DENND5B: variants seen among roughly 807,000 people sequenced by gnomAD.
The protein encoded by DENND5B is DENN domain-containing protein 5B.
A neutral mutation model predicts 140.6 loss-of-function variants in DENND5B; 34 were observed. The ratio of observed to expected loss-of-function variants is 0.24; its 90% CI spans 0.18 to 0.32. The LOEUF (loss-of-function observed/expected upper bound fraction) is 0.32. Ranked by LOEUF, DENND5B falls within the 10% of genes least tolerant of loss-of-function variation. The probability of loss-of-function intolerance (pLI) is 1.00; values close to 1 mark genes in which losing one functional copy is unlikely to be tolerated. For missense variants in DENND5B, 1,142 were observed against 1,560.2 expected, an observed-to-expected ratio of 0.73 and a Z score of 4.52; for synonymous variants, 551 against 562.1, an observed-to-expected ratio of 0.98 and a Z score of 0.28.
chr12:31,586,155 T>A (rs1390373225), intron 1 of DENND5B, among the ~76,000 whole-genome samples: 1 of 152,144 alleles, frequency 6.6e-6, no homozygotes, highest in African/African-American at 2.4e-5. Flanking sequence ...TACAGCCAGG[T>A]CTTAAAGGAA....
intron 9 of DENND5B, among the ~76,000 whole-genome samples, chr12:31,425,383 A>T (rs1337934862): frequency 1.3e-5 from 2 of 152,234 alleles, no homozygotes; most frequent in Non-Finnish European, 1.5e-5. Context: ...CTGCCACCAC[A>T]ACTTGCCCTA....
At chr12:31,580,088 A>G (rs1378533920) in intron 1 of DENND5B, among the ~76,000 whole-genome samples, 1 of 152,132 alleles carries the variant, frequency 6.6e-6, no homozygotes, top group Non-Finnish European at 1.5e-5. Context: ...GCAGTTTCCT[A>G]AGATATTCCT....
At chr12:31,576,265 A>C (rs971943141) in intron 1 of DENND5B, among the ~76,000 whole-genome samples, 1 of 152,034 alleles carries the variant, frequency 6.6e-6, no homozygotes, top group African/African-American at 2.4e-5. Context: ...CAGTCTGGCC[A>C]ACATGGTGAA....
chr12:31,512,306 T>G (rs1317700374), intron 1 of DENND5B, among the ~76,000 whole-genome samples: 1 of 151,974 alleles, frequency 6.6e-6, no homozygotes, highest in Admixed American at 6.6e-5. Flanking sequence ...TTGGACCTCA[T>G]GGGCTTGTCA....
At chr12:31,449,136 A>G (rs1486909204) in intron 5 of DENND5B, among the ~76,000 whole-genome samples, 1 of 152,196 alleles carries the variant, frequency 6.6e-6, no homozygotes, top group Non-Finnish European at 1.5e-5. Flanking sequence ...TTATTTTTGC[A>G]TGGCAGAAGC....
At chr12:31,536,197 AC>A (rs1455650903) in intron 1 of DENND5B, among the ~76,000 whole-genome samples, 3 of 151,734 alleles carry the variant, frequency 2.0e-5, no homozygotes, top group Non-Finnish European at 4.4e-5. Flanking sequence ...GGCCAATTAA[AC>A]CTCTTTTATT....
rs1940707071 is a variant in DENND5B at position 31,383,248 on chromosome 12, C to G, written c.*4355G>C. 1 of 152,178 alleles carries G rather than the reference C, an allele frequency of 6.6e-6. No homozygotes were observed. Among genetic ancestry groups the G allele is most frequent in the Non-Finnish European group, 1.5e-5 (1 of 68,024 alleles). The allele number at this position is 152,178 out of a possible 1,614,324, so 9.4% of individuals were successfully genotyped here. On this transcript the variant is annotated 3_prime_UTR_variant, in exon 21 of 21. Coordinates refer to ENST00000389082, the MANE Select transcript of DENND5B (RefSeq NM_144973.4). ...ATATTTCATTATGAAGAGCTACACT[C>G]CTAATGTTGTGAAATAAATATTTCC...
At chr12:31,579,165 T>A (rs1247584434) in intron 1 of DENND5B, among the ~76,000 whole-genome samples, 2 of 152,174 alleles carry the variant, frequency 1.3e-5, no homozygotes, top group Non-Finnish European at 2.9e-5. Flanking sequence ...GTAAAAATAG[T>A]TACAAGAGTT....
chr12:31,532,016 C>CA (rs1465045469), intron 1 of DENND5B, among the ~76,000 whole-genome samples: 8 of 152,038 alleles, frequency 5.3e-5, no homozygotes, highest in Non-Finnish European at 8.8e-5. Flanking sequence ...CACCAGGGGA[C>CA]AAAAAATAAC....
chr12:31,387,087 G>A lies in DENND5B; in HGVS notation c.*516C>T, dbSNP rs1332047209. On this transcript the variant is annotated 3_prime_UTR_variant, in exon 21 of 21. Transcript: ENST00000389082. ...TTGTAACTTAAAAGATAGAAGTGAA[G>A]ACTACCAGTACAGTAGGTAAAGCTG... 1 of 152,072 alleles carries A rather than the reference G, an allele frequency of 6.6e-6. No individual in the cohort carries two copies. Among genetic ancestry groups the A allele is most frequent in the Non-Finnish European group, 1.5e-5 (1 of 68,038 alleles). The allele number at this position is 152,072 out of a possible 1,614,324, so 9.4% of individuals were successfully genotyped here. A position where few individuals can be genotyped will look rare whatever the true frequency, so the allele number is the denominator to read the frequency against.
At chr12:31,488,043 C>T (rs1051179720) in intron 2 of DENND5B, among the ~76,000 whole-genome samples, 6 of 152,082 alleles carry the variant, frequency 3.9e-5, no homozygotes, top group Non-Finnish European at 8.8e-5. Context: ...GCAACCTCCA[C>T]CTCCTGAGTT....
chr12:31,589,460 G>GA (rs1248511436), intron 1 of DENND5B, among the ~76,000 whole-genome samples: 1 of 151,868 alleles, frequency 6.6e-6, no homozygotes, highest in African/African-American at 2.4e-5. Context: ...CGAAGAATAT[G>GA]AAAAAAAGAA....
intron 5 of DENND5B, among the ~76,000 whole-genome samples, chr12:31,448,619 T>TA (rs988021084): frequency 2.0e-5 from 3 of 152,224 alleles, no homozygotes; most frequent in African/African-American, 4.8e-5. Flanking sequence ...CTAGACTCTT[T>TA]AACTCTGTGA....
intron 8 of DENND5B, among the ~76,000 whole-genome samples, chr12:31,426,923 A>T (rs900194718): frequency 1.3e-5 from 2 of 152,172 alleles, no homozygotes. Flanking sequence ...ACAACAGTAA[A>T]ATCAGGAGCT....
At chr12:31,569,060 C>CTTTT (rs1234009016) in intron 1 of DENND5B, among the ~76,000 whole-genome samples, 1,676 of 93,096 alleles carry the variant, frequency 0.018, 86 homozygotes, top group African/African-American at 0.024. Context: ...AGCAACATAC[C>CTTTT]TTTTTTTTTT....
At chr12:31,498,324 G>T (rs1457108347) in intron 1 of DENND5B, among the ~76,000 whole-genome samples, 1 of 152,172 alleles carries the variant, frequency 6.6e-6, no homozygotes, top group African/African-American at 2.4e-5. Flanking sequence ...CTTCATTCAT[G>T]TATCAAGTTA....
chr12:31,569,504 A>C (rs527824436), intron 1 of DENND5B, among the ~76,000 whole-genome samples: 3 of 152,316 alleles, frequency 2.0e-5, no homozygotes, highest in African/African-American at 2.4e-5. Flanking sequence ...TTCTCCTCCC[A>C]AAAATTTTAA....
Position 31,442,909 on chromosome 12 carries a change from C to T in DENND5B, c.1878G>A (p.Gln626=). The change falls in exon 7 of 21, where the codon CAG becomes CAA. Residue 626 remains glutamine (Q), a synonymous_variant. Coordinates refer to ENST00000389082, the MANE Select transcript of DENND5B (RefSeq NM_144973.4). ...TLKEAAQSIE[Q]RLMKMDHTAI... is the part of the protein sequence containing the mutation. ...CAGTGTGATCCATTTTCATCAGTCT[C>T]TGCTCAATTGATTGGGCTATAAATT... 6.3e-7 allele frequency: 1 copy of T among 1,583,314 alleles called. No individual in the cohort carries two copies. The highest frequency in any genetic ancestry group is 8.6e-7 in the Non-Finnish European group (1 of 1,164,060).
chr12:31,466,550 G>C (rs1468739525), intron 3 of DENND5B, among the ~76,000 whole-genome samples: 1 of 151,900 alleles, frequency 6.6e-6, no homozygotes, highest in Non-Finnish European at 1.5e-5. Context: ...AAAATTAGCT[G>C]GGCATGGTGG....
Sources: allele counts gnomAD v4.1 joint callset (sites outside exome capture counted in the v4.1 genomes callset), GRCh38; gene constraint gnomAD v4.1.1; transcripts MANE v1.5; gene names NCBI Gene and HGNC (gene_info 2026-07-23, HGNC 2026-07-21).